Variants in FSHR observed in about 807,000 individuals in gnomAD.
FSHR encodes the protein follicle-stimulating hormone receptor.
In FSHR, 46 loss-of-function variants were observed where a neutral mutation model predicts 52.1. The observed-to-expected ratio is 0.88, with a 90% CI of 0.70 to 1.13. The LOEUF (loss-of-function observed/expected upper bound fraction) is 1.13. Among genes scored for constraint, FSHR ranks in the 50% most tolerant of loss-of-function variants. The probability of loss-of-function intolerance (pLI) is 0.00; values close to 1 mark genes in which losing one functional copy is unlikely to be tolerated. For synonymous variants in FSHR, 399 were observed against 309.6 expected (o/e 1.29, Z -3.03); for missense variants, 964 against 834.6 (o/e 1.16, Z -1.91).
At chr2:49,021,564 C>A (rs1358447936) in intron 2 of FSHR, among the ~76,000 whole-genome samples, 1 of 130,308 alleles carries the variant, frequency 7.7e-6, no homozygotes, top group Non-Finnish European at 1.8e-5. Flanking sequence ...AAAAAGAAGG[C>A]CCCTGGGGGA....
intron 9 of FSHR, among the ~76,000 whole-genome samples, chr2:48,965,611 G>A (rs1355899445): frequency 6.6e-6 from 1 of 152,124 alleles, no homozygotes; most frequent in East Asian, 1.9e-4. Flanking sequence ...TAAGTAACCT[G>A]GTACTTGCTG....
At chr2:48,987,385 A>G (rs935224123) in intron 6 of FSHR, among the ~76,000 whole-genome samples, 1 of 151,006 alleles carries the variant, frequency 6.6e-6, no homozygotes, top group African/African-American at 2.4e-5. Flanking sequence ...TTTTTTTTAT[A>G]TATTTTTAGT....
chr2:48,964,441 G>A (rs1674379744), intron 9 of FSHR, among the ~76,000 whole-genome samples: 1 of 152,096 alleles, frequency 6.6e-6, no homozygotes, highest in Non-Finnish European at 1.5e-5. Context: ...ATAAATTAGG[G>A]GATCAAAATC....
chr2:49,106,239 G>T (rs1671216248), intron 1 of FSHR, among the ~76,000 whole-genome samples: 3 of 152,190 alleles, frequency 2.0e-5, no homozygotes, highest in Non-Finnish European at 4.4e-5. Context: ...TGCAAACACT[G>T]CAGGGAGAAG....
chr2:49,082,251 A>G (rs889274536), intron 1 of FSHR, among the ~76,000 whole-genome samples: 2 of 152,166 alleles, frequency 1.3e-5, no homozygotes, highest in African/African-American at 4.8e-5. Flanking sequence ...CACCTCACAC[A>G]GCCGGGTACT....
intron 6 of FSHR, among the ~76,000 whole-genome samples, chr2:48,986,970 C>G (rs1032131828): frequency 5.3e-5 from 8 of 152,078 alleles, no homozygotes; most frequent in African/African-American, 1.9e-4. Flanking sequence ...ATAAGTTTGC[C>G]ATATTATAAC....
At position 48,962,794 on chromosome 2, in the gene FSHR, G is replaced by A. The variant is rs778929695; in HGVS notation, c.2027C>T (p.Pro676Leu). 3.7e-6 allele frequency: 6 copies of A among 1,614,090 alleles called. No individual in the cohort carries two copies. The highest frequency in any genetic ancestry group is 5.1e-6 in the Non-Finnish European group (6 of 1,179,960). The change falls in exon 10 of 10, where the codon CCC becomes CTC. Residue 676 changes from proline to leucine, a missense_variant. By Grantham distance (98) the Pro-to-Leu change is moderately conservative. Transcript: ENST00000406846. ...HPRNGHCSSA[P>L]RVTSGSTYIL... is the part of the protein sequence containing the mutation. ...GTAAGTGGAACCACTGGTGACTCTG[G>A]GAGCTGAAGAGCAGTGGCCATTCCT...
chr2:49,111,242 A>G (rs1671411629), intron 1 of FSHR, among the ~76,000 whole-genome samples: 1 of 152,108 alleles, frequency 6.6e-6, no homozygotes, highest in Non-Finnish European at 1.5e-5. Flanking sequence ...GCATTACTTT[A>G]TTCCTTCCCA....
intron 8 of FSHR, among the ~76,000 whole-genome samples, chr2:48,978,398 T>C (rs1163267745): frequency 6.6e-6 from 1 of 152,246 alleles, no homozygotes; most frequent in African/African-American, 2.4e-5. Context: ...GGCAATTTAC[T>C]ATCTATAGGA....
At chr2:49,089,152 T>C (rs1670506454) in intron 1 of FSHR, among the ~76,000 whole-genome samples, 1 of 150,220 alleles carries the variant, frequency 6.7e-6, no homozygotes, top group Admixed American at 6.6e-5. Context: ...TATTTAATTA[T>C]TTAATCTTCG....
At chr2:49,049,624 TG>T (rs1449047128) in intron 2 of FSHR, among the ~76,000 whole-genome samples, 1 of 152,092 alleles carries the variant, frequency 6.6e-6, no homozygotes, top group African/African-American at 2.4e-5. Context: ...TAGCTCACAG[TG>T]GGCCTCCTGC....
chr2:49,147,576 T>G (rs1369728463), intron 1 of FSHR, among the ~76,000 whole-genome samples: 2 of 152,070 alleles, frequency 1.3e-5, no homozygotes, highest in Admixed American at 1.3e-4. Context: ...AAACCCCTAC[T>G]CTTCAATTGC....
intron 8 of FSHR, among the ~76,000 whole-genome samples, chr2:48,969,426 G>A (rs763642906): frequency 6.6e-6 from 1 of 152,208 alleles, no homozygotes; most frequent in African/African-American, 2.4e-5. Context: ...TGGTGGTTAC[G>A]AACTTGGCGT....
chr2:48,985,796 T>A (rs6728155), intron 6 of FSHR, among the ~76,000 whole-genome samples: 6 of 123,054 alleles, frequency 4.9e-5, no homozygotes, highest in East Asian at 2.3e-4. Context: ...TCACTGCAAG[T>A]TCCGCTTCCC....
At chr2:49,135,504 T>G (rs1052840276) in intron 1 of FSHR, among the ~76,000 whole-genome samples, 1 of 152,182 alleles carries the variant, frequency 6.6e-6, no homozygotes, top group Non-Finnish European at 1.5e-5. Flanking sequence ...TAGCTGTATT[T>G]GAAAAAAATA....
chr2:49,053,860 T>C (rs761589651), intron 2 of FSHR, among the ~76,000 whole-genome samples: 10 of 152,202 alleles, frequency 6.6e-5, no homozygotes, highest in Non-Finnish European at 1.5e-4. Context: ...AATGCCCATG[T>C]TGTTTCAGAT....
In FSHR at chr2:49,042,018, C is replaced by A. The variant is rs1668494569; in HGVS notation, c.225-21858G>T. ...AACTAGTTGTGTGCGGTGGTGTGGGCCTGTAGTCCCAGGTACTTGGGAGGC... is the reference window on the plus strand; with the variant it reads ...AACTAGTTGTGTGCGGTGGTGTGGGACTGTAGTCCCAGGTACTTGGGAGGC... On this transcript the variant is annotated intron_variant, in intron 2 of 9. Transcript: ENST00000406846. Among the ~76,000 whole-genome samples the A allele has an allele frequency of 2.0e-5, 3 of 152,004 alleles. No homozygotes were observed. In the South Asian group the frequency reaches 6.2e-4, roughly 32 times the overall value.
intron 8 of FSHR, among the ~76,000 whole-genome samples, chr2:48,977,676 TCC>T (rs1234531776): frequency 1.3e-5 from 2 of 152,192 alleles, no homozygotes; most frequent in African/African-American, 4.8e-5. Context: ...GTAACATTCA[TCC>T]CTTGGCCAGA....
rs139168793 is a variant in FSHR at position 49,075,918 on chromosome 2, G to A, written c.153-7628C>T. ...ATTTCTCAAAGTGCTGGGATTACAG[G>A]CATGAGACACCACAGCTAGACTAAC... On this transcript the variant is annotated intron_variant, in intron 1 of 9. Coordinates refer to ENST00000406846, the MANE Select transcript of FSHR (RefSeq NM_000145.4). 5.3e-5 allele frequency among the ~76,000 whole-genome samples: 8 copies of A among 152,212 alleles called. No homozygotes were observed. The East Asian group carries it at 1.4e-3, about 26-fold the overall frequency.
Sources: gnomAD v4.1 joint callset for allele counts (sites outside exome capture counted in the v4.1 genomes callset) on GRCh38, gnomAD v4.1.1 for gene constraint, MANE v1.5 for transcripts, NCBI Gene and HGNC (gene_info 2026-07-23, HGNC 2026-07-21) for gene names.